BRINP3: variants seen among roughly 807,000 people sequenced by gnomAD.
BRINP3 encodes the protein BMP/retinoic acid inducible neural specific 3, also known as BMP/retinoic acid-inducible neural-specific protein 3.
A neutral mutation model predicts 71.0 loss-of-function variants in BRINP3; 19 were observed. The ratio of observed to expected loss-of-function variants is 0.27; its 90% CI spans 0.19 to 0.39. The LOEUF is 0.39. Among genes scored for constraint, BRINP3 ranks in the 10% least tolerant of loss-of-function variants. The pLI is 1.00. For missense variants in BRINP3, 959 were observed against 940.8 expected, an observed-to-expected ratio of 1.02 and a Z score of -0.25; for synonymous variants, 380 against 337.7, an observed-to-expected ratio of 1.13 and a Z score of -1.37.
chr1:190,436,215 A>C (rs1674444756), intron 2 of BRINP3, among the ~76,000 whole-genome samples: 1 of 151,966 alleles, frequency 6.6e-6, no homozygotes, highest in Non-Finnish European at 1.5e-5. Flanking sequence ...AAATATGAGG[A>C]CATCATTTGG....
chr1:190,271,053 A>G (rs187035311), intron 3 of BRINP3, among the ~76,000 whole-genome samples: 1 of 151,792 alleles, frequency 6.6e-6, no homozygotes, highest in Non-Finnish European at 1.5e-5. Flanking sequence ...GCCATTTTAA[A>G]TATGTGAAAA....
chr1:190,144,335 G>A (rs937721230), intron 7 of BRINP3, among the ~76,000 whole-genome samples: 3 of 151,978 alleles, frequency 2.0e-5, no homozygotes, highest in African/African-American at 7.3e-5. Context: ...GGAAGTTCAG[G>A]GAAAGTATCT....
At chr1:190,167,386 G>A (rs1382260635) in intron 6 of BRINP3, among the ~76,000 whole-genome samples, 16 of 152,090 alleles carry the variant, frequency 1.1e-4, no homozygotes, top group Admixed American at 9.8e-4. Context: ...AGAATGAAGT[G>A]TGTGTTGCAG....
chr1:190,264,325 A>T (rs1008869482), intron 4 of BRINP3, among the ~76,000 whole-genome samples: 1 of 152,136 alleles, frequency 6.6e-6, no homozygotes, highest in African/African-American at 2.4e-5. Context: ...TAATCCACCA[A>T]TTCTAGATTA....
At chr1:190,417,576 T>C (rs1370284345) in intron 2 of BRINP3, among the ~76,000 whole-genome samples, 1 of 152,172 alleles carries the variant, frequency 6.6e-6, no homozygotes, top group Non-Finnish European at 1.5e-5. Context: ...TTTTGATATT[T>C]GATACCAACA....
intron 6 of BRINP3, among the ~76,000 whole-genome samples, chr1:190,178,566 C>G (rs1296039202): frequency 6.6e-6 from 1 of 152,024 alleles, no homozygotes; most frequent in Non-Finnish European, 1.5e-5. Context: ...AATGTTGATG[C>G]TAAAAACCTG....
chr1:190,295,615 G>C (rs1664187807), intron 2 of BRINP3, among the ~76,000 whole-genome samples: 2 of 152,094 alleles, frequency 1.3e-5, no homozygotes, highest in East Asian at 3.9e-4. Context: ...CTGTTACTTG[G>C]GTGGCAGATT....
At chr1:190,375,988 C>G (rs1323171486) in intron 2 of BRINP3, among the ~76,000 whole-genome samples, 1 of 151,868 alleles carries the variant, frequency 6.6e-6, no homozygotes, top group East Asian at 1.9e-4. Flanking sequence ...ATATTATAGG[C>G]TTTTCTGACA....
intron 2 of BRINP3, among the ~76,000 whole-genome samples, chr1:190,358,467 A>G (rs1365336976): frequency 6.6e-6 from 1 of 152,226 alleles, no homozygotes; most frequent in Non-Finnish European, 1.5e-5. Flanking sequence ...ATGAGATAAC[A>G]TCTCACACCA....
chr1:190,258,299 C>T (rs1880906), intron 4 of BRINP3, among the ~76,000 whole-genome samples: 59,383 of 151,996 alleles, frequency 0.39, 12,810 homozygotes, highest in Non-Finnish European at 0.49. Context: ...GAGCCAGGCA[C>T]GGGATATAAT....
At chr1:190,311,997 T>C (rs1423152460) in intron 2 of BRINP3, among the ~76,000 whole-genome samples, 1 of 135,344 alleles carries the variant, frequency 7.4e-6, no homozygotes, top group Non-Finnish European at 1.6e-5. Context: ...CTCAACACTG[T>C]CTAGAAAATA....
intron 2 of BRINP3, among the ~76,000 whole-genome samples, chr1:190,286,732 A>G (rs1663454178): frequency 6.6e-6 from 1 of 152,166 alleles, no homozygotes; most frequent in Non-Finnish European, 1.5e-5. Context: ...TAAAATAAAT[A>G]TATTACCTAA....
Position 190,210,712 on chromosome 1 carries a change from C to G in BRINP3, c.961+15370G>C, listed in dbSNP as rs139656833. 5.3e-3 allele frequency among the ~76,000 whole-genome samples: 799 copies of G among 152,096 alleles called. 4 individuals carry two copies. The highest frequency in any genetic ancestry group is 0.018 in the African/African-American group (760 of 41,526). On this transcript the variant is annotated intron_variant, in intron 6 of 7. Coordinates refer to ENST00000367462, the MANE Select transcript of BRINP3 (RefSeq NM_199051.3). ...CAATGAGTTAGTGTGATGGTTAATA[C>G]TGATTGTCAACTTGATTGGCAAAGT...
intron 4 of BRINP3, among the ~76,000 whole-genome samples, chr1:190,253,166 C>T (rs1460796535): frequency 6.6e-6 from 1 of 152,102 alleles, no homozygotes; most frequent in East Asian, 1.9e-4. Context: ...TTTTCTTAAT[C>T]CAGTCTATCA....
chr1:190,367,539 G>A (rs953727216), intron 2 of BRINP3, among the ~76,000 whole-genome samples: 1 of 152,142 alleles, frequency 6.6e-6, no homozygotes, highest in African/African-American at 2.4e-5. Context: ...TGTTACTTAC[G>A]CAAATTTCTG....
chr1:190,459,398 G>A (rs887591573), intron 1 of BRINP3, among the ~76,000 whole-genome samples: 1 of 151,500 alleles, frequency 6.6e-6, no homozygotes, highest in Non-Finnish European at 1.5e-5. Flanking sequence ...CTAAAATACT[G>A]ATATATCATA....
rs181139787 is a variant in BRINP3 at position 190,379,727 on chromosome 1, C to T, written c.236+74928G>A. Among the ~76,000 whole-genome samples the T allele has an allele frequency of 1.3e-4, 20 of 151,960 alleles. No homozygotes were observed. In the East Asian group the frequency reaches 3.5e-3, roughly 26 times the overall value. On this transcript the variant is annotated intron_variant, in intron 2 of 7. Transcript: ENST00000367462. ...TTAATAAGAGATTTAGGGCTGGGCG[C>T]GGTGGTTCATGCCTGTAATCCCAGC... is the stretch of plus-strand genomic sequence containing the variant.
At chr1:190,128,242 A>T (rs1486168178) in intron 7 of BRINP3, among the ~76,000 whole-genome samples, 2 of 151,832 alleles carry the variant, frequency 1.3e-5, no homozygotes, top group African/African-American at 2.4e-5. Context: ...TTTAGATTCT[A>T]TGATATATGT....
intron 4 of BRINP3, among the ~76,000 whole-genome samples, chr1:190,252,633 TA>T (rs1284713236): frequency 6.6e-6 from 1 of 152,070 alleles, no homozygotes; most frequent in Non-Finnish European, 1.5e-5. Context: ...CATGCTGAGT[TA>T]GGTTCATTTA....
Sources: allele counts gnomAD v4.1 joint callset (sites outside exome capture counted in the v4.1 genomes callset), GRCh38; gene constraint gnomAD v4.1.1; transcripts MANE v1.5; gene names NCBI Gene and HGNC (gene_info 2026-07-23, HGNC 2026-07-21).